PDLIM5: variants seen among roughly 807,000 people sequenced by gnomAD.
PDLIM5 encodes PDZ and LIM domain 5, also known as PDZ and LIM domain protein 5.
In PDLIM5, 34 loss-of-function variants were observed where a neutral mutation model predicts 64.2. The observed-to-expected ratio is 0.53, with a 90% confidence interval of 0.40 to 0.71. The LOEUF is 0.71. Among genes scored for constraint, PDLIM5 ranks in the 30% least tolerant of loss-of-function variants. PDLIM5 has a pLI of 0.00. For synonymous variants in PDLIM5, 253 were observed against 269.1 expected (o/e 0.94, Z 0.59); for missense variants, 683 against 733.6 (o/e 0.93, Z 0.80).
intron 9 of PDLIM5, among the ~76,000 whole-genome samples, chr4:94,644,574 G>A (rs1467462448): frequency 6.7e-6 from 1 of 150,168 alleles, no homozygotes; most frequent in Non-Finnish European, 1.5e-5. Flanking sequence ...TGCCCAGGCT[G>A]GAGTGCAGTG....
At chr4:94,589,623 T>A (rs1736514572) in intron 7 of PDLIM5, among the ~76,000 whole-genome samples, 1 of 152,236 alleles carries the variant, frequency 6.6e-6, no homozygotes, top group Non-Finnish European at 1.5e-5. Context: ...TTGTTTTTGT[T>A]TGTCTCTCTT....
intron 1 of PDLIM5, among the ~76,000 whole-genome samples, chr4:94,454,665 A>G (rs1325762746): frequency 1.3e-5 from 2 of 152,356 alleles, no homozygotes; most frequent in Middle Eastern, 3.4e-3. Flanking sequence ...CCATGTCCCC[A>G]TAGGAGGAAA....
chr4:94,469,325 G>A (rs865947847), intron 2 of PDLIM5, among the ~76,000 whole-genome samples: 5 of 152,194 alleles, frequency 3.3e-5, no homozygotes. Flanking sequence ...GTGTTTAGGG[G>A]TAAGAGTTTC....
chr4:94,582,882 G>T (rs1735849043), intron 5 of PDLIM5: 2 of 603,814 alleles, frequency 3.3e-6, no homozygotes, highest in South Asian at 2.1e-5. Context: ...TTTTTTTTAT[G>T]CTAGATAATT....
chr4:94,458,906 A>T (rs1439818118), intron 2 of PDLIM5, among the ~76,000 whole-genome samples: 1 of 152,220 alleles, frequency 6.6e-6, no homozygotes, highest in Non-Finnish European at 1.5e-5. Context: ...GCTTTTTAAA[A>T]AGATCCTCAG....
intron 6 of PDLIM5, among the ~76,000 whole-genome samples, chr4:94,586,186 A>G (rs1392626642): frequency 2.0e-5 from 3 of 152,050 alleles, no homozygotes; most frequent in Non-Finnish European, 4.4e-5. Flanking sequence ...ATAAATAAAT[A>G]AATAAATAAA....
intron 2 of PDLIM5, among the ~76,000 whole-genome samples, chr4:94,490,166 C>G (rs1726739827): frequency 6.6e-6 from 1 of 151,452 alleles, no homozygotes; most frequent in African/African-American, 2.4e-5. Flanking sequence ...AATTTGTATG[C>G]AAATTTTAGT....
chr4:94,623,446 T>G (rs1257314338), intron 8 of PDLIM5, among the ~76,000 whole-genome samples: 1 of 152,218 alleles, frequency 6.6e-6, no homozygotes, highest in Non-Finnish European at 1.5e-5. Flanking sequence ...GTTCCCCCTT[T>G]GTGAAGCTTT....
chr4:94,620,578 T>A (rs951435296), intron 8 of PDLIM5, among the ~76,000 whole-genome samples: 2 of 152,212 alleles, frequency 1.3e-5, no homozygotes, highest in East Asian at 3.9e-4. Flanking sequence ...TTTAAGAATA[T>A]TTTTGAGATT....
chr4:94,581,622 A>G (rs1735737480), intron 5 of PDLIM5, among the ~76,000 whole-genome samples: 1 of 152,186 alleles, frequency 6.6e-6, no homozygotes, highest in Non-Finnish European at 1.5e-5. Flanking sequence ...ATGTGGAAAT[A>G]TAGCAACACT....
chr4:94,504,380 G>C (rs189048562), intron 2 of PDLIM5, among the ~76,000 whole-genome samples: 1 of 151,754 alleles, frequency 6.6e-6, no homozygotes, highest in East Asian at 1.9e-4. Flanking sequence ...CTCCGCTCCC[G>C]GGTTCAAGCA....
chr4:94,481,810 C>T (rs1201890658), intron 2 of PDLIM5, among the ~76,000 whole-genome samples: 1 of 151,982 alleles, frequency 6.6e-6, no homozygotes, highest in Non-Finnish European at 1.5e-5. Flanking sequence ...GGGGTTTCAC[C>T]GTGTTAGCCA....
intron 2 of PDLIM5, among the ~76,000 whole-genome samples, chr4:94,522,099 C>T (rs1469974663): frequency 3.3e-5 from 5 of 152,068 alleles, no homozygotes; most frequent in Admixed American, 6.6e-5. Flanking sequence ...CCTCTGAGAT[C>T]GTCTAGTGCA....
At chr4:94,637,815 C>T (rs140370265) in intron 8 of PDLIM5, among the ~76,000 whole-genome samples, 2 of 152,142 alleles carry the variant, frequency 1.3e-5, no homozygotes, top group African/African-American at 2.4e-5. Flanking sequence ...AATAATCTAG[C>T]AGAATAGGTA....
intron 2 of PDLIM5, among the ~76,000 whole-genome samples, chr4:94,490,590 T>G (rs2126118558): frequency 6.6e-6 from 1 of 152,240 alleles, no homozygotes; most frequent in South Asian, 2.1e-4. Context: ...TTTCTTTAGT[T>G]TCTTATTTAT....
rs1743001786 is a variant in PDLIM5, at chr4:94,665,003, C to G, written c.*936C>G. ...ATATTCTTTTCTCATTTCTTCCCCA[C>G]CCAAAAATAAGCTACCATATAGCTT... On this transcript the variant is annotated 3_prime_UTR_variant, in exon 13 of 13. Coordinates refer to ENST00000317968, the MANE Select transcript of PDLIM5 (RefSeq NM_006457.5). 9 of 983,072 alleles carry G rather than the reference C, an allele frequency of 9.2e-6. No homozygotes were observed. The highest frequency in any genetic ancestry group is 9.7e-6 in the Non-Finnish European group (8 of 827,800). The allele number at this position is 983,072 out of a possible 1,614,324, so 60.9% of individuals were successfully genotyped here. A position where few individuals can be genotyped will look rare whatever the true frequency, so the allele number is the denominator to read the frequency against.
In PDLIM5 at chr4:94,664,128, A is replaced by G; in HGVS notation, c.*61A>G. 2 of 1,369,942 alleles carry G rather than the reference A, an allele frequency of 1.5e-6. No individual in the cohort carries two copies. Among genetic ancestry groups the G allele is most frequent in the Non-Finnish European group, 2.0e-6 (2 of 1,017,926 alleles). The allele number at this position is 1,369,942 out of a possible 1,614,324, so 84.9% of individuals were successfully genotyped here. A position where few individuals can be genotyped will look rare whatever the true frequency, so the allele number is the denominator to read the frequency against. ...GAGAAAAAGGAAAATTAAAATTACT[A>G]ATTAATTTTTAGATTCAATATTTAT... On this transcript the variant is annotated 3_prime_UTR_variant, in exon 13 of 13. Transcript: ENST00000317968.
chr4:94,635,538 T>A (rs372845362), intron 8 of PDLIM5, among the ~76,000 whole-genome samples: 7 of 152,198 alleles, frequency 4.6e-5, no homozygotes, highest in African/African-American at 1.7e-4. Flanking sequence ...TCTTTCTACA[T>A]AGAAGTAAAT....
intron 7 of PDLIM5, 68 bp downstream of exon 7, chr4:94,586,512 A>G: frequency 1.1e-6 from 1 of 941,638 alleles, no homozygotes; most frequent in Non-Finnish European, 1.7e-6. Flanking sequence ...TAGTTTTTCA[A>G]ATTGTCAAGT....
Sources: gnomAD v4.1 joint callset for allele counts (sites outside exome capture counted in the v4.1 genomes callset) on GRCh38, gnomAD v4.1.1 for gene constraint, MANE v1.5 for transcripts, NCBI Gene and HGNC (gene_info 2026-07-23, HGNC 2026-07-21) for gene names.